SYN3: variants seen among roughly 807,000 people sequenced by gnomAD.
SYN3 encodes synapsin-3.
In SYN3, 35 loss-of-function variants were observed where a neutral mutation model predicts 65.8. The observed-to-expected ratio is 0.53, with a 90% CI of 0.41 to 0.70. The LOEUF is 0.70. Ranked by LOEUF, SYN3 falls within the 30% of genes least tolerant of loss-of-function variation. The pLI, the probability that SYN3 is intolerant of heterozygous loss-of-function variation, is 0.00. For missense variants in SYN3, 680 were observed against 749.0 expected (o/e 0.91, Z 1.08); for synonymous variants, 270 against 292.9 (o/e 0.92, Z 0.80).
At chr22:32,786,449 A>G (rs1602145006) in intron 6 of SYN3, among the ~76,000 whole-genome samples, 1 of 149,360 alleles carries the variant, frequency 6.7e-6, no homozygotes. Flanking sequence ...TGCAAGCTCC[A>G]CCTCCCGGGT....
chr22:32,937,658 A>AC (rs1388677608), intron 3 of SYN3, among the ~76,000 whole-genome samples: 3 of 151,996 alleles, frequency 2.0e-5, no homozygotes, highest in Non-Finnish European at 4.4e-5. Context: ...ATTAGAAACC[A>AC]CCCCCATGAT....
At chr22:32,561,363 A>C (rs1477827043) in intron 7 of SYN3, among the ~76,000 whole-genome samples, 1 of 152,130 alleles carries the variant, frequency 6.6e-6, no homozygotes, top group Non-Finnish European at 1.5e-5. Context: ...TTACAGCCAA[A>C]ATAATCTTGA....
chr22:32,608,972 A>G lies in SYN3; in HGVS notation c.712-12236T>C, dbSNP rs922262348. Among the ~76,000 whole-genome samples the G allele has an allele frequency of 2.0e-5, 3 of 151,860 alleles. No individual in the cohort carries two copies. In the East Asian group the frequency reaches 5.8e-4, roughly 29 times the overall value. ...CTCTTTTTTTCTTCTTCTTTTTTTT[A>G]AAGTTTTCCTTTTTGTACTATTTAT... On this transcript the variant is annotated intron_variant, in intron 6 of 13. Coordinates refer to ENST00000358763, the MANE Select transcript of SYN3 (RefSeq NM_003490.4).
chr22:33,023,165 C>T (rs1033657335), intron 1 of SYN3, among the ~76,000 whole-genome samples: 7 of 152,206 alleles, frequency 4.6e-5, no homozygotes, highest in African/African-American at 7.2e-5. Flanking sequence ...GCTTGGGAAA[C>T]GCAGGGAGAC....
intron 7 of SYN3, among the ~76,000 whole-genome samples, chr22:32,590,112 C>G (rs937757432): frequency 2.0e-5 from 3 of 152,214 alleles, no homozygotes; most frequent in African/African-American, 4.8e-5. Flanking sequence ...AGAACTAGAA[C>G]TTTGCCCACT....
intron 4 of SYN3, among the ~76,000 whole-genome samples, chr22:32,900,392 C>G (rs2049724406): frequency 6.6e-6 from 1 of 152,212 alleles, no homozygotes; most frequent in Non-Finnish European, 1.5e-5. Context: ...TCCTGACAAA[C>G]TTCTGTTCAT....
chr22:32,913,487 A>G (rs1212947215), intron 4 of SYN3, among the ~76,000 whole-genome samples: 1 of 152,008 alleles, frequency 6.6e-6, no homozygotes, highest in Non-Finnish European at 1.5e-5. Context: ...TTTTAAAGAA[A>G]AAAACAGAAA....
intron 4 of SYN3, among the ~76,000 whole-genome samples, chr22:32,906,137 G>A (rs2049895599): frequency 6.6e-6 from 1 of 152,198 alleles, no homozygotes; most frequent in African/African-American, 2.4e-5. Context: ...TAGCTGGTCT[G>A]GTTGTTCTCA....
chr22:32,582,351 TC>T (rs1211074176), intron 7 of SYN3, among the ~76,000 whole-genome samples: 2 of 97,718 alleles, frequency 2.0e-5, no homozygotes, highest in Admixed American at 1.1e-4. Context: ...GTCTGCATTC[TC>T]CCTTTTTTTT....
In SYN3 at chr22:32,559,672, A is replaced by C. The variant is rs556875086; in HGVS notation, c.775-17959T>G. Among the ~76,000 whole-genome samples the C allele has an allele frequency of 2.0e-5, 3 of 152,048 alleles. 1 individual carries two copies. Among genetic ancestry groups the C allele is most frequent in the South Asian group, 4.2e-4 (2 of 4,802 alleles). ...AACCCCATCTCTACTAAAAAAATAC[A>C]AAAAAATTAGCCGGGCGTGGCGGCG... On this transcript the variant is annotated intron_variant, in intron 7 of 13. Coordinates refer to ENST00000358763, the MANE Select transcript of SYN3 (RefSeq NM_003490.4).
intron 6 of SYN3, among the ~76,000 whole-genome samples, chr22:32,767,603 T>C (rs2045660732): frequency 6.6e-6 from 1 of 152,266 alleles, no homozygotes; most frequent in Non-Finnish European, 1.5e-5. Flanking sequence ...TATTCATGTC[T>C]TTCATTAGTG....
intron 12 of SYN3, among the ~76,000 whole-genome samples, chr22:32,520,371 A>T (rs1309920063): frequency 6.6e-6 from 1 of 151,462 alleles, no homozygotes; most frequent in Non-Finnish European, 1.5e-5. Context: ...TCCTGGCCTC[A>T]AGCAATTCTC....
At chr22:32,565,847 C>CGACTACAG (rs1569044189) in intron 7 of SYN3, among the ~76,000 whole-genome samples, 1 of 151,854 alleles carries the variant, frequency 6.6e-6, no homozygotes. Flanking sequence ...CGAGTAGCTG[C>CGACTACAG]GACTACAGGC....
At chr22:32,683,792 A>G (rs1256981975) in intron 6 of SYN3, among the ~76,000 whole-genome samples, 1 of 152,162 alleles carries the variant, frequency 6.6e-6, no homozygotes, top group African/African-American at 2.4e-5. Flanking sequence ...CATTGTCCTT[A>G]CCTTTTTTAT....
At chr22:32,880,528 C>A (rs556837795) in intron 4 of SYN3, among the ~76,000 whole-genome samples, 2 of 152,230 alleles carry the variant, frequency 1.3e-5, no homozygotes, top group East Asian at 3.9e-4. Context: ...TCACTGACCC[C>A]CTGGTGGGTG....
intron 3 of SYN3, among the ~76,000 whole-genome samples, chr22:32,978,541 C>T (rs1376458225): frequency 6.6e-6 from 1 of 152,158 alleles, no homozygotes; most frequent in Non-Finnish European, 1.5e-5. Context: ...TTCACGCCAC[C>T]ATCTCCACTT....
chr22:32,525,591 T>A (rs1434698270), intron 12 of SYN3, among the ~76,000 whole-genome samples: 2 of 151,606 alleles, frequency 1.3e-5, no homozygotes, highest in African/African-American at 4.8e-5. Flanking sequence ...GCACCTGTAG[T>A]CCCAGCTACT....
In SYN3 at chr22:32,980,671, C is replaced by T. The variant is rs2052344467; in HGVS notation, c.343G>A (p.Gly115Arg). 6.2e-7 allele frequency: 1 copy of T among 1,614,006 alleles called. No individual in the cohort carries two copies. The highest frequency in any genetic ancestry group is 8.5e-7 in the Non-Finnish European group (1 of 1,179,944). ...SKYFHGKKVN[G>R]EIEIRVEQAE... The stretch of plus-strand genomic sequence containing the variant: ...TGCTCCACTCGGATCTCAATCTCTC[C>T]ATTCACCTTCTTCCCATGGAAATAC... Residue 115 changes from glycine to arginine, a missense_variant, in exon 3 of 14, where the codon GGA (glycine) becomes AGA (arginine). By Grantham distance (125) the Gly-to-Arg change is moderately radical. Coordinates refer to ENST00000358763, the MANE Select transcript of SYN3 (RefSeq NM_003490.4).
At chr22:32,753,535 A>C (rs1482858398) in intron 6 of SYN3, among the ~76,000 whole-genome samples, 1 of 151,812 alleles carries the variant, frequency 6.6e-6, no homozygotes, top group Non-Finnish European at 1.5e-5. Flanking sequence ...TTCTTAGCCC[A>C]CCAGAGACCT....
Sources: gnomAD v4.1 joint callset for allele counts (sites outside exome capture counted in the v4.1 genomes callset) on GRCh38, gnomAD v4.1.1 for gene constraint, MANE v1.5 for transcripts, NCBI Gene and HGNC (gene_info 2026-07-23, HGNC 2026-07-21) for gene names.